Variants in DGKD observed in about 807,000 individuals in gnomAD.
DGKD encodes the protein diacylglycerol kinase delta.
DGKD carries 68 observed loss-of-function variants against 154.4 expected under a neutral mutation model. That is an observed-to-expected ratio of 0.44 (90% confidence interval 0.36 to 0.54). The LOEUF is 0.54. DGKD is among the 20% of genes least tolerant of loss of function. The pLI is 0.00. For synonymous variants in DGKD, 693 were observed against 638.0 expected (o/e 1.09, Z -1.30); for missense variants, 1,343 against 1,593.6 (o/e 0.84, Z 2.68).
At chr2:233,419,808 C>T (rs756968538) in intron 3 of DGKD, among the ~76,000 whole-genome samples, 5 of 152,050 alleles carry the variant, frequency 3.3e-5, no homozygotes, top group Admixed American at 1.3e-4. Context: ...CCTTGTCTGT[C>T]GACGGTGCAG....
intron 3 of DGKD, among the ~76,000 whole-genome samples, chr2:233,411,054 A>G (rs865923943): frequency 6.6e-6 from 1 of 152,160 alleles, no homozygotes; most frequent in African/African-American, 2.4e-5. Flanking sequence ...TACGAATATC[A>G]GTAGTCCATT....
chr2:233,362,564 T>C (rs982318220), intron 1 of DGKD, among the ~76,000 whole-genome samples: 3 of 152,198 alleles, frequency 2.0e-5, no homozygotes, highest in Non-Finnish European at 4.4e-5. Context: ...GGCAGGAGCA[T>C]CGCTTGAACC....
intron 1 of DGKD, among the ~76,000 whole-genome samples, chr2:233,383,649 G>C (rs574033986): frequency 6.6e-6 from 1 of 152,168 alleles, no homozygotes; most frequent in South Asian, 2.1e-4. Flanking sequence ...GAGCTCACGC[G>C]TGTGGTGTCC....
Position 233,445,558 on chromosome 2 carries a change from G to A in DGKD, c.1195-65G>A. On this transcript the variant is annotated intron_variant, in intron 10 of 29. Coordinates refer to ENST00000264057, the MANE Select transcript of DGKD (RefSeq NM_152879.3). The surrounding 1 kb of genome is among the most constrained non-coding windows in gnomAD (Gnocchi z 5.5). ...CTCACGGTGGGGGACAAGGAGGGCT[G>A]CGGGCTGGGAAGTGGCCCCTGCCCC... 2.0e-6 allele frequency: 3 copies of A among 1,522,642 alleles called. No individual in the cohort carries two copies. Among genetic ancestry groups the A allele is most frequent in the Non-Finnish European group, 1.8e-6 (2 of 1,133,594 alleles). 94.3% of individuals were successfully genotyped at this position (1,522,642 alleles called of 1,614,324 possible).
At chr2:233,362,560 A>G (rs143246413) in intron 1 of DGKD, among the ~76,000 whole-genome samples, 15 of 152,304 alleles carry the variant, frequency 9.8e-5, no homozygotes, top group African/African-American at 2.9e-4. Context: ...CTGAGGCAGG[A>G]GCATCGCTTG....
chr2:233,386,920 C>G (rs527658264), intron 1 of DGKD, among the ~76,000 whole-genome samples: 1 of 152,154 alleles, frequency 6.6e-6, no homozygotes, highest in African/African-American at 2.4e-5. Context: ...TGGCTGGTTG[C>G]GGGATAAGGA....
rs1701461693 is a variant in DGKD at position 233,354,762 on chromosome 2, C to T, written c.156+88C>T. 1 of 811,534 alleles carries T rather than the reference C, an allele frequency of 1.2e-6. No homozygotes were observed. The highest frequency in any genetic ancestry group is 1.5e-6 in the Non-Finnish European group (1 of 674,592). The allele number at this position is 811,534 out of a possible 1,614,324, so 50.3% of individuals were successfully genotyped here. A position where few individuals can be genotyped will look rare whatever the true frequency, so the allele number is the denominator to read the frequency against. ...CCCGTGGCCCTGCCCGAGCGGCCGC[C>T]CAGGCCCGGCTCGGCCCGGCCCGGG... On this transcript the variant is annotated intron_variant, in intron 1 of 29. Transcript: ENST00000264057. The surrounding 1 kb of genome is among the most constrained non-coding windows in gnomAD (Gnocchi z 4.8).
chr2:233,462,019 C>T (rs995173071), intron 24 of DGKD, among the ~76,000 whole-genome samples: 3 of 152,268 alleles, frequency 2.0e-5, no homozygotes, highest in African/African-American at 7.2e-5. Context: ...CTTACTGCAG[C>T]AGTCTCTGCA....
At chr2:233,408,470 G>A (rs957498171) in intron 3 of DGKD, among the ~76,000 whole-genome samples, 4 of 152,226 alleles carry the variant, frequency 2.6e-5, no homozygotes, top group Non-Finnish European at 5.9e-5. Flanking sequence ...AAGTGTCTTT[G>A]CTCTTCCTGT....
chr2:233,410,784 T>TTC lies in DGKD; in HGVS notation c.348+20316_348+20317dup, dbSNP rs555260837. Among the ~76,000 whole-genome samples the TTC allele has an allele frequency of 6.5e-4, 98 of 151,410 alleles. 1 individual carries two copies. The East Asian group carries it at 0.017, about 27-fold the overall frequency. ...TTGATAGTTTTTATACACACACACT[T>TTC]TCTCTCTCTCTCTCTCATAATTACA... On this transcript the variant is annotated intron_variant, in intron 3 of 29. Coordinates refer to ENST00000264057, the MANE Select transcript of DGKD (RefSeq NM_152879.3).
At chr2:233,376,653 G>A (rs1702589306) in intron 1 of DGKD, among the ~76,000 whole-genome samples, 1 of 151,968 alleles carries the variant, frequency 6.6e-6, no homozygotes, top group African/African-American at 2.4e-5. Context: ...GGATGAAGCT[G>A]GAAACCATCA....
In DGKD at chr2:233,388,267, AAG is replaced by A; in HGVS notation, c.170_171del (p.Glu57GlyfsTer19). The A allele has an allele frequency of 6.2e-7, 1 of 1,613,298 alleles. No individual in the cohort carries two copies. The highest frequency in any genetic ancestry group is 1.1e-5 in the South Asian group (1 of 90,876). On this transcript the variant is annotated frameshift_variant, in exon 2 of 30. Transcript: ENST00000264057. LOFTEE classifies it high-confidence loss of function. Reference sequence around the variant, plus strand: ...TTTCTGTACTTTCAGACCATCATCAAAGAGGGGATGCTGACCAAACAGAACAA... The same window carrying A: ...TTTCTGTACTTTCAGACCATCATCAAAGGGGATGCTGACCAAACAGAACAA...
chr2:233,387,206 A>G (rs987147224), intron 1 of DGKD, among the ~76,000 whole-genome samples: 1 of 152,224 alleles, frequency 6.6e-6, no homozygotes, highest in African/African-American at 2.4e-5. Context: ...AACTTTGTAC[A>G]TGCACTGTTT....
chr2:233,445,632 G>C lies in DGKD; in HGVS notation c.1204G>C (p.Gly402Arg). 1 of 1,609,164 alleles carries C rather than the reference G, an allele frequency of 6.2e-7. No homozygotes were observed. Among genetic ancestry groups the C allele is most frequent in the Non-Finnish European group, 8.5e-7 (1 of 1,177,562 alleles). Residue 402 changes from glycine to arginine, a missense_variant, in exon 11 of 30, where the codon GGA becomes CGA. This residue lies in a region of DGKD where 56 missense variants were observed against 111.1 expected (regional missense o/e 0.50). Coordinates refer to ENST00000264057, the MANE Select transcript of DGKD (RefSeq NM_152879.3). This position sits in a 1 kb window ranked among gnomAD's most constrained non-coding sequence, Gnocchi z 5.5. ...SLNLHKQCQLGVLPLGTGNDL... is the reference protein window; with the variant it reads ...SLNLHKQCQLRVLPLGTGNDL... ...CCCCATGTTTCCTTAGTGTCAGCTG[G>C]GAGTGCTGCCGCTCGGCACAGGGAA...
chr2:233,449,215 A>T lies in DGKD; in HGVS notation c.1727A>T (p.Asp576Val). 2 of 1,613,884 alleles carry T rather than the reference A, an allele frequency of 1.2e-6. No homozygotes were observed. Among genetic ancestry groups the T allele is most frequent in the Non-Finnish European group, 1.7e-6 (2 of 1,179,940 alleles). ...PPPTIAEEAE[D>V]GDGSGSICGS... ...CCCACCATTGCCGAGGAGGCTGAAG[A>T]TGGAGATGGGTCGGGCAGCATCTGC... Residue 576 changes from aspartate to valine, a missense_variant, in exon 15 of 30, where the codon GAT (aspartate) becomes GTT (valine). Physicochemically the swap from Asp to Val is radical, Grantham distance 152. Around this residue, in one of 6 missense-constraint regions of DGKD, gnomAD observed 409 missense variants for 446.0 expected, o/e 0.92. Transcript: ENST00000264057. The surrounding 1 kb of genome is among the most constrained non-coding windows in gnomAD (Gnocchi z 5.3).
intron 3 of DGKD, chr2:233,409,033 T>TGGTGAG (rs2061756354): frequency 6.6e-6 from 1 of 152,258 alleles, no homozygotes; most frequent in Admixed American, 6.5e-5. Flanking sequence ...GATGCTGTCC[T>TGGTGAG]CTTCTGGCAG....
intron 18 of DGKD, chr2:233,454,472 T>C (rs1325269518): frequency 1.0e-5 from 5 of 488,688 alleles, no homozygotes; most frequent in Middle Eastern, 6.3e-4. Flanking sequence ...ATGGTGAGGA[T>C]GGAGAGTTAG....
chr2:233,366,295 T>A (rs1447087468), intron 1 of DGKD, among the ~76,000 whole-genome samples: 2 of 152,056 alleles, frequency 1.3e-5, no homozygotes, highest in Non-Finnish European at 2.9e-5. Context: ...GTTGCCTGAG[T>A]GGATGCTGGC....
intron 24 of DGKD, 85 bp from the exon 25 acceptor site, chr2:233,462,263 T>A (rs2063669548): frequency 1.8e-6 from 2 of 1,099,412 alleles, no homozygotes; most frequent in East Asian, 4.8e-5. Flanking sequence ...CTCCAGGTGG[T>A]ACCTGGGCCG....
Sources: gnomAD v4.1 joint callset for allele counts (sites outside exome capture counted in the v4.1 genomes callset) on GRCh38, gnomAD v4.1.1 for gene constraint, gnomAD v4.1.1 regional missense constraint, Gnocchi (gnomAD v3.1) non-coding constraint, MANE v1.5 for transcripts, NCBI Gene and HGNC (gene_info 2026-07-23, HGNC 2026-07-21) for gene names.